Variants in CRTC1 observed in about 807,000 individuals in gnomAD.
CRTC1 encodes CREB regulated transcription coactivator 1.
Under a neutral mutation model 66.1 loss-of-function variants are expected in CRTC1, and 18 were observed. That is an observed-to-expected ratio of 0.27 (90% CI 0.19 to 0.40). The LOEUF is 0.40. Among genes scored for constraint, CRTC1 ranks in the 10% least tolerant of loss-of-function variants. The probability of loss-of-function intolerance (pLI) is 1.00; values close to 1 mark genes in which losing one functional copy is unlikely to be tolerated. For missense variants in CRTC1, 669 were observed against 887.9 expected, an observed-to-expected ratio of 0.75 and a Z score of 3.13; for synonymous variants, 416 against 398.8, an observed-to-expected ratio of 1.04 and a Z score of -0.51.
rs1248078643 is a variant in CRTC1, at chr19:18,777,361, C to T, written c.1884C>T (p.Thr628=). Residue 628 remains threonine (T), a synonymous_variant, in exon 14 of 14, where the codon ACC becomes ACT. Coordinates refer to ENST00000321949, the MANE Select transcript of CRTC1 (RefSeq NM_015321.3). This position sits in a 1 kb window ranked among gnomAD's most constrained non-coding sequence, Gnocchi z 5.5. ...TGGCCGACCCAGCCACCGAGGACAC[C>T]TTCCGGATGGACCGCCTGTGAGCGG... The part of the protein sequence containing the change: ...MVLADPATED[T]FRMDRL The T allele has an allele frequency of 1.2e-6, 2 of 1,605,042 alleles. No individual in the cohort carries two copies. Among genetic ancestry groups the T allele is most frequent in the Admixed American group, 1.7e-5 (1 of 60,024 alleles).
intron 1 of CRTC1, among the ~76,000 whole-genome samples, chr19:18,716,072 C>T (rs1032927284): frequency 6.6e-6 from 1 of 152,096 alleles, no homozygotes; most frequent in Non-Finnish European, 1.5e-5. Flanking sequence ...GGGATGCCTC[C>T]GGGATTCCCA....
chr19:18,713,468 G>C (rs1022434007), intron 1 of CRTC1, among the ~76,000 whole-genome samples: 1 of 152,238 alleles, frequency 6.6e-6, no homozygotes, highest in African/African-American at 2.4e-5. Flanking sequence ...TGGCCGGGCT[G>C]TCTTCCCGGA....
chr19:18,775,036 TGCTGGGACCCTC>T (rs373055997), intron 12 of CRTC1, 50 bp downstream of exon 12: 160 of 1,563,532 alleles, frequency 1.0e-4, no homozygotes, highest in African/African-American at 6.6e-4. Context: ...GACAGATGCT[TGCTGGGACCCTC>T]GCTGGGACCC....
intron 8 of CRTC1, among the ~76,000 whole-genome samples, chr19:18,764,252 T>G (rs908497923): frequency 1.3e-5 from 2 of 151,976 alleles, no homozygotes; most frequent in African/African-American, 4.8e-5. Context: ...CTGGGGTGAG[T>G]CAGGCGGCTT....
At position 18,779,793 on chromosome 19, in the gene CRTC1, T is replaced by C; in HGVS notation, c.*2411T>C. 1 of 221,546 alleles carries C rather than the reference T, an allele frequency of 4.5e-6. No individual in the cohort carries two copies. Among genetic ancestry groups the C allele is most frequent in the Non-Finnish European group, 9.0e-6 (1 of 110,776 alleles). 13.7% of individuals were successfully genotyped at this position (221,546 alleles called of 1,614,324 possible). On this transcript the variant is annotated 3_prime_UTR_variant, in exon 14 of 14. Transcript: ENST00000321949. ...GTGTTAACGTGACGACCTTGGTCCATTATGGAGTTCTTTTTCCAATAAGAA... is the reference window on the plus strand; with the variant it reads ...GTGTTAACGTGACGACCTTGGTCCACTATGGAGTTCTTTTTCCAATAAGAA...
At position 18,778,723 on chromosome 19, in the gene CRTC1, CCT is replaced by C. The variant is rs777022918; in HGVS notation, c.*1346_*1347del. The stretch of plus-strand genomic sequence containing the variant: ...ATGCCATGACCAGTGGCAGCTGAGA[CCT>C]CTCTGCCCCAAGAGTGTGGGGGACT... On this transcript the variant is annotated 3_prime_UTR_variant, in exon 14 of 14. Coordinates refer to ENST00000321949, the MANE Select transcript of CRTC1 (RefSeq NM_015321.3). 4.3e-6 allele frequency: 1 copy of C among 231,110 alleles called. No homozygotes were observed. The highest frequency in any genetic ancestry group is 8.6e-6 in the Non-Finnish European group (1 of 116,700). 14.3% of individuals were successfully genotyped at this position (231,110 alleles called of 1,614,324 possible).
At chr19:18,736,044 C>T (rs1036550157) in intron 1 of CRTC1, among the ~76,000 whole-genome samples, 7 of 152,096 alleles carry the variant, frequency 4.6e-5, no homozygotes, top group Admixed American at 6.5e-5. Context: ...GTGCCTGAGC[C>T]TTGGTTGGTT....
intron 1 of CRTC1, among the ~76,000 whole-genome samples, chr19:18,716,947 AAGTG>A (rs1208981059): frequency 1.3e-5 from 2 of 152,064 alleles, no homozygotes; most frequent in Non-Finnish European, 2.9e-5. Flanking sequence ...GTGTGTGTGC[AAGTG>A]AGTGGGAGCT....
intron 1 of CRTC1, among the ~76,000 whole-genome samples, chr19:18,691,540 A>G (rs1271446062): frequency 3.3e-5 from 5 of 151,056 alleles, no homozygotes; most frequent in African/African-American, 1.2e-4. Flanking sequence ...AAAAAAAAAA[A>G]AAAAGACAAG....
chr19:18,767,986 G>A (rs902140024), intron 9 of CRTC1, among the ~76,000 whole-genome samples: 3 of 152,088 alleles, frequency 2.0e-5, no homozygotes, highest in Non-Finnish European at 2.9e-5. Context: ...CCAGCTCTGC[G>A]AAGGCCTGAG....
At chr19:18,694,959 C>T (rs1318464435) in intron 1 of CRTC1, among the ~76,000 whole-genome samples, 2 of 151,878 alleles carry the variant, frequency 1.3e-5, no homozygotes, top group East Asian at 3.9e-4. Context: ...CAACCTCTGC[C>T]TCCTGGGTTC....
chr19:18,724,018 A>G (rs1052292934), intron 1 of CRTC1, among the ~76,000 whole-genome samples: 1 of 152,152 alleles, frequency 6.6e-6, no homozygotes, highest in Non-Finnish European at 1.5e-5. Flanking sequence ...CACTTATGAG[A>G]CATGTGAAAC....
At position 18,780,836 on chromosome 19, in the gene CRTC1, G is replaced by C. The variant is rs775472958; in HGVS notation, c.*3454G>C. 4.5e-6 allele frequency: 1 copy of C among 223,526 alleles called. No homozygotes were observed. The highest frequency in any genetic ancestry group is 8.9e-6 in the Non-Finnish European group (1 of 112,014). 13.8% of individuals were successfully genotyped at this position (223,526 alleles called of 1,614,324 possible). A position where few individuals can be genotyped will look rare whatever the true frequency, so the allele number is the denominator to read the frequency against. ...GAGCCACTTCTGCCCAGCATCCCAG[G>C]CCTGAACAGCCTTGGCAGGACCCGT... On this transcript the variant is annotated 3_prime_UTR_variant, in exon 14 of 14. Transcript: ENST00000321949.
At chr19:18,702,000 C>T (rs559304606) in intron 1 of CRTC1, among the ~76,000 whole-genome samples, 1 of 146,486 alleles carries the variant, frequency 6.8e-6, no homozygotes, top group East Asian at 2.0e-4. Context: ...CTCGGCTCAC[C>T]GCAACCTCCT....
At chr19:18,696,892 C>T (rs1288363936) in intron 1 of CRTC1, among the ~76,000 whole-genome samples, 1 of 148,924 alleles carries the variant, frequency 6.7e-6, no homozygotes, top group African/African-American at 2.5e-5. Context: ...TGGGGGAGTC[C>T]CAGGCTGCAG....
intron 4 of CRTC1, among the ~76,000 whole-genome samples, 169 bp from the exon 5 acceptor site, chr19:18,749,612 G>T (rs2054318855): frequency 6.6e-6 from 1 of 152,188 alleles, no homozygotes; most frequent in South Asian, 2.1e-4. Context: ...CAGTCACTCT[G>T]GTGGCTCTTT....
chr19:18,758,219 G>A (rs2054534365), intron 6 of CRTC1, among the ~76,000 whole-genome samples: 1 of 151,084 alleles, frequency 6.6e-6, no homozygotes, highest in African/African-American at 2.4e-5. Context: ...AATTAGCCGG[G>A]CTTGGTGGCG....
At chr19:18,761,076 C>T (rs1445797555) in intron 8 of CRTC1, among the ~76,000 whole-genome samples, 3 of 152,156 alleles carry the variant, frequency 2.0e-5, no homozygotes, top group African/African-American at 7.2e-5. Context: ...AGCCCCAGTC[C>T]CACCTCAGGG....
At chr19:18,734,025 C>G (rs2053944606) in intron 1 of CRTC1, among the ~76,000 whole-genome samples, 1 of 152,088 alleles carries the variant, frequency 6.6e-6, no homozygotes, top group Non-Finnish European at 1.5e-5. Context: ...TCACTTGACC[C>G]CGGCAGGTGG....
Sources: allele counts gnomAD v4.1 joint callset (sites outside exome capture counted in the v4.1 genomes callset), GRCh38; gene constraint gnomAD v4.1.1; non-coding constraint Gnocchi (gnomAD v3.1); transcripts MANE v1.5; gene names NCBI Gene and HGNC (gene_info 2026-07-23, HGNC 2026-07-21).